The following ASAP2 variants were observed in gnomAD, a reference collection of about 807,000 sequenced individuals.
ASAP2 encodes arf-GAP with SH3 domain, ANK repeat and PH domain-containing protein 2.
Under a neutral mutation model 131.4 loss-of-function variants are expected in ASAP2, and 45 were observed. That is an observed-to-expected ratio of 0.34 (90% CI 0.27 to 0.44). ASAP2 has a LOEUF of 0.44. ASAP2 is among the 20% of genes least tolerant of loss of function. The probability of loss-of-function intolerance (pLI) is 1.00; values close to 1 mark genes in which losing one functional copy is unlikely to be tolerated. For missense variants in ASAP2, 1,011 were observed against 1,297.0 expected (o/e 0.78, Z 3.39); for synonymous variants, 510 against 503.0 (o/e 1.01, Z -0.19).
At chr2:9,242,186 G>A (rs1490138472) in intron 1 of ASAP2, among the ~76,000 whole-genome samples, 1 of 152,156 alleles carries the variant, frequency 6.6e-6, no homozygotes, top group Non-Finnish European at 1.5e-5. Context: ...GTGATGGTAG[G>A]CATTCTTTGG....
At chr2:9,299,745 G>A (rs1179422582) in intron 3 of ASAP2, among the ~76,000 whole-genome samples, 1 of 152,196 alleles carries the variant, frequency 6.6e-6, no homozygotes, top group East Asian at 1.9e-4. Context: ...TTATTCAGCT[G>A]ATATCTAGAC....
rs142824026 is a variant in ASAP2 at position 9,402,933 on chromosome 2, A to G, written c.2947-320A>G. On this transcript the variant is annotated intron_variant, in intron 27 of 27. Transcript: ENST00000281419. ...AGTTCATTCATTCATTCATTCATTG[A>G]AAAATGGCAAGTGGGAAGTAGTGGT... is the stretch of plus-strand genomic sequence containing the variant. Among the ~76,000 whole-genome samples the G allele has an allele frequency of 3.5e-3, 526 of 152,296 alleles. 1 individual carries two copies. The highest frequency in any genetic ancestry group is 6.2e-3 in the Non-Finnish European group (424 of 68,022).
intron 12 of ASAP2, among the ~76,000 whole-genome samples, chr2:9,352,852 G>A (rs1458034221): frequency 2.0e-5 from 3 of 152,222 alleles, no homozygotes; most frequent in Non-Finnish European, 2.9e-5. Context: ...GTTGGGGGCA[G>A]TGTCGTGAGT....
chr2:9,338,515 A>G (rs1671371402), intron 9 of ASAP2, among the ~76,000 whole-genome samples: 1 of 152,088 alleles, frequency 6.6e-6, no homozygotes, highest in Non-Finnish European at 1.5e-5. Flanking sequence ...CCTTCATCAC[A>G]GAGATCTCTG....
intron 26 of ASAP2, 117 bp downstream of exon 26, chr2:9,400,947 G>T (rs1318766471): frequency 9.2e-7 from 1 of 1,084,520 alleles, no homozygotes; most frequent in Non-Finnish European, 1.3e-6. Context: ...GCAGGGCGGG[G>T]CTCTTCTTGG....
At chr2:9,388,825 C>G (rs1675502260) in intron 22 of ASAP2, among the ~76,000 whole-genome samples, 1 of 152,142 alleles carries the variant, frequency 6.6e-6, no homozygotes, top group Admixed American at 6.5e-5. Context: ...AACTGGGCTC[C>G]CGGGGCTGGG....
At chr2:9,334,688 T>C in intron 7 of ASAP2, 50 bp from the exon 8 acceptor site, 3 of 1,551,686 alleles carry the variant, frequency 1.9e-6, no homozygotes, top group Non-Finnish European at 1.8e-6. Context: ...CTGACAAAAT[T>C]ATTTTTTCCT....
At chr2:9,297,506 G>T (rs570333705) in intron 3 of ASAP2, 61 bp downstream of exon 3, 1 of 1,583,436 alleles carries the variant, frequency 6.3e-7, no homozygotes, top group South Asian at 1.1e-5. Context: ...GCTCAGTAGA[G>T]GATAGTTATG....
rs34520841 is a variant in ASAP2, at chr2:9,281,137, A to ATT, written c.199+1761_199+1762dup. On this transcript the variant is annotated intron_variant, in intron 2 of 27. Coordinates refer to ENST00000281419, the MANE Select transcript of ASAP2 (RefSeq NM_003887.3). This position sits in a 1 kb window ranked among gnomAD's most constrained non-coding sequence, Gnocchi z 4.0. ...CAGATTTCAAAAAGTATCTTGGAAG[A>ATT]TTTTTTTTTTTTTTACTGCGTTCAC... Among the ~76,000 whole-genome samples, 31,121 of 146,668 alleles carry ATT rather than the reference A, an allele frequency of 0.21. 3,424 individuals are homozygous for ATT. Among genetic ancestry groups the ATT allele is most frequent in the Non-Finnish European group, 0.27 (18,158 of 66,452 alleles).
chr2:9,342,873 C>G (rs556017412), intron 9 of ASAP2, among the ~76,000 whole-genome samples: 11 of 152,354 alleles, frequency 7.2e-5, no homozygotes, highest in Admixed American at 7.2e-4. Context: ...GTACTATCCA[C>G]TTTGCCTTGA....
At chr2:9,337,053 A>T (rs1201559236) in intron 9 of ASAP2, among the ~76,000 whole-genome samples, 2 of 152,266 alleles carry the variant, frequency 1.3e-5, no homozygotes, top group Non-Finnish European at 2.9e-5. Context: ...ACAGCTTCGC[A>T]GGAAAGTAAT....
intron 12 of ASAP2, among the ~76,000 whole-genome samples, chr2:9,355,019 CAG>C (rs1047617312): frequency 6.6e-6 from 1 of 152,268 alleles, no homozygotes; most frequent in Non-Finnish European, 1.5e-5. Flanking sequence ...TGCTTTTAGA[CAG>C]AGAATATCCA....
intron 5 of ASAP2, among the ~76,000 whole-genome samples, chr2:9,322,128 G>C (rs1356420898): frequency 1.3e-5 from 2 of 152,162 alleles, no homozygotes; most frequent in African/African-American, 4.8e-5. Flanking sequence ...CGGATGCATA[G>C]ACTCATTAAA....
intron 1 of ASAP2, among the ~76,000 whole-genome samples, chr2:9,252,593 A>C (rs970717710): frequency 7.3e-5 from 11 of 150,794 alleles, no homozygotes; most frequent in African/African-American, 2.4e-4. Flanking sequence ...CCCGCCCCCC[A>C]AAAAAAGCCT....
At chr2:9,244,480 C>A (rs1376434567) in intron 1 of ASAP2, among the ~76,000 whole-genome samples, 1 of 152,210 alleles carries the variant, frequency 6.6e-6, no homozygotes, top group Non-Finnish European at 1.5e-5. Flanking sequence ...ACGGTGTGAA[C>A]AGAACAGAGA....
intron 4 of ASAP2, among the ~76,000 whole-genome samples, chr2:9,319,332 A>T (rs916156695): frequency 6.6e-6 from 1 of 152,218 alleles, no homozygotes; most frequent in Non-Finnish European, 1.5e-5. Context: ...ATCGGGGATG[A>T]CTGGAAACCC....
chr2:9,401,501 T>A, intron 27 of ASAP2, 105 bp downstream of exon 27: 1 of 1,431,658 alleles, frequency 7.0e-7, no homozygotes, highest in Non-Finnish European at 9.4e-7. Context: ...GCCTGAGCAG[T>A]CCAGATGTAG....
At chr2:9,382,264 G>C (rs1376846285) in intron 20 of ASAP2, among the ~76,000 whole-genome samples, 21 of 152,154 alleles carry the variant, frequency 1.4e-4, no homozygotes, top group Admixed American at 1.4e-3. Context: ...GATTATAGGC[G>C]TGAGCCACCA....
At chr2:9,372,160 T>A (rs916512575) in intron 16 of ASAP2, among the ~76,000 whole-genome samples, 11 of 152,062 alleles carry the variant, frequency 7.2e-5, no homozygotes, top group Non-Finnish European at 1.3e-4. Context: ...CCCACAGTGA[T>A]GATTGAAAGT....
Sources: gnomAD v4.1 joint callset for allele counts (sites outside exome capture counted in the v4.1 genomes callset) on GRCh38, gnomAD v4.1.1 for gene constraint, Gnocchi (gnomAD v3.1) non-coding constraint, MANE v1.5 for transcripts, NCBI Gene and HGNC (gene_info 2026-07-23, HGNC 2026-07-21) for gene names.